STK3: variants seen among roughly 807,000 people sequenced by gnomAD.
STK3 encodes serine/threonine kinase 3, also known as serine/threonine-protein kinase 3.
STK3 carries 41 observed loss-of-function variants against 58.0 expected under a neutral mutation model. The ratio of observed to expected loss-of-function variants is 0.71; its 90% confidence interval spans 0.55 to 0.92. STK3 has a LOEUF of 0.92. Among genes scored for constraint, STK3 ranks in the 40% least tolerant of loss-of-function variants. The pLI is 0.00. For missense variants in STK3, 479 were observed against 602.7 expected (o/e 0.79, Z 2.15); for synonymous variants, 170 against 191.0 (o/e 0.89, Z 0.91).
chr8:98,777,461 G>T (rs1587593031), intron 1 of STK3, among the ~76,000 whole-genome samples: 1 of 152,248 alleles, frequency 6.6e-6, no homozygotes, highest in East Asian at 1.9e-4. Context: ...AGTGAGCCGA[G>T]ATCACGCCAC....
chr8:98,671,404 TAAA>T (rs1822822076), intron 6 of STK3, among the ~76,000 whole-genome samples: 1 of 152,248 alleles, frequency 6.6e-6, no homozygotes. Context: ...ATAAATTACA[TAAA>T]AGCTCATACA....
chr8:98,803,255 T>C (rs1833682298), intron 1 of STK3, among the ~76,000 whole-genome samples: 2 of 152,048 alleles, frequency 1.3e-5, no homozygotes, highest in Admixed American at 6.5e-5. Flanking sequence ...AAGAAAGGCC[T>C]CTTCTATACT....
chr8:98,860,597 C>T (rs774668934), intron 3 of STK3, among the ~76,000 whole-genome samples: 10 of 152,130 alleles, frequency 6.6e-5, no homozygotes, highest in Non-Finnish European at 1.0e-4. Context: ...TACATGATAA[C>T]GCGCAGATTG....
rs538072225 is a variant in STK3, at chr8:98,563,424, C to T, written c.949-15263G>A. On this transcript the variant is annotated intron_variant, in intron 8 of 10. Transcript: ENST00000419617. ...ACATACATATATATACACACACACA[C>T]GTGCCTACATATATAGTTATAAATG... 4.6e-5 allele frequency among the ~76,000 whole-genome samples: 7 copies of T among 152,224 alleles called. No individual in the cohort carries two copies. In the South Asian group the frequency reaches 1.0e-3, roughly 23 times the overall value.
intron 2 of STK3, among the ~76,000 whole-genome samples, chr8:98,770,582 A>G (rs1200450625): frequency 6.6e-6 from 1 of 152,202 alleles, no homozygotes; most frequent in Non-Finnish European, 1.5e-5. Flanking sequence ...GCCTCAGTAC[A>G]CACCAAAGGA....
intron 1 of STK3, among the ~76,000 whole-genome samples, chr8:98,791,108 A>ATAT: frequency 6.6e-6 from 1 of 152,356 alleles, no homozygotes; most frequent in African/African-American, 2.4e-5. Context: ...AACTGATAAA[A>ATAT]GAATTCAGCA....
At chr8:98,761,377 G>A (rs575677901) in intron 3 of STK3, among the ~76,000 whole-genome samples, 9 of 151,682 alleles carry the variant, frequency 5.9e-5, no homozygotes, top group Admixed American at 3.9e-4. Context: ...TGCCCACCTC[G>A]GCCTCCCAAA....
At chr8:98,344,847 C>T in the STK3 span, among the ~76,000 whole-genome samples, 2 of 143,528 alleles carry the variant, frequency 1.4e-5, no homozygotes, top group African/African-American at 5.1e-5. Flanking sequence ...GAGCCGAGAT[C>T]CCGCCACTGC....
intron 8 of STK3, among the ~76,000 whole-genome samples, chr8:98,560,437 T>G (rs1415452044): frequency 1.3e-5 from 2 of 151,832 alleles, no homozygotes. Context: ...GACTGAAATT[T>G]GAAATTAAAA....
chr8:98,353,679 G>A, the STK3 span, among the ~76,000 whole-genome samples: 4 of 152,136 alleles, frequency 2.6e-5, no homozygotes, highest in Non-Finnish European at 5.9e-5. Flanking sequence ...AGCAGATGAA[G>A]GCAATAATCT....
chr8:98,593,580 G>C (rs946379010), intron 7 of STK3, among the ~76,000 whole-genome samples: 3 of 152,174 alleles, frequency 2.0e-5, no homozygotes, highest in African/African-American at 7.2e-5. Context: ...AGTGGTATTA[G>C]ATTCTAACAG....
rs139630942 is a variant in STK3, at chr8:98,551,163, A to G, written c.949-3002T>C. Among the ~76,000 whole-genome samples the G allele has an allele frequency of 9.2e-3, 1,398 of 152,274 alleles. 17 individuals are homozygous for G. Among genetic ancestry groups the G allele is most frequent in the African/African-American group, 0.032 (1,321 of 41,564 alleles). ...TCCCCTCTATCCATTTAACTAAATC[A>G]TACCTAGTTTCAGATCAAGTATCTA... On this transcript the variant is annotated intron_variant, in intron 8 of 10. Transcript: ENST00000419617.
At chr8:98,656,039 T>G (rs1012610624) in intron 6 of STK3, among the ~76,000 whole-genome samples, 2 of 151,332 alleles carry the variant, frequency 1.3e-5, no homozygotes. Context: ...TGCACACGTA[T>G]GTTTATTGTG....
chr8:98,682,726 TCTTTCTTTTTA>T (rs1386618236), intron 6 of STK3, among the ~76,000 whole-genome samples: 4 of 152,258 alleles, frequency 2.6e-5, no homozygotes, highest in Non-Finnish European at 5.9e-5. Flanking sequence ...GTATGACTTG[TCTTTCTTTTTA>T]AAAATATCAA....
In STK3 at chr8:98,516,373, C is replaced by T. The variant is rs1470418839; in HGVS notation, c.1317+10369G>A. ...ACAAAAAAGATGAATTTCCACATAT[C>T]GAAAGAGCTGCTACTAAATGATGAC... is the stretch of plus-strand genomic sequence containing the variant. On this transcript the variant is annotated intron_variant, in intron 10 of 10. Coordinates refer to ENST00000419617, the MANE Select transcript of STK3 (RefSeq NM_006281.4). Among the ~76,000 whole-genome samples the T allele has an allele frequency of 5.3e-5, 8 of 152,048 alleles. 1 individual carries two copies. In the South Asian group the frequency reaches 1.0e-3, roughly 20 times the overall value.
intron 3 of STK3, among the ~76,000 whole-genome samples, chr8:98,833,429 A>G (rs1040566361): frequency 3.9e-5 from 6 of 152,230 alleles, no homozygotes; most frequent in African/African-American, 1.4e-4. Flanking sequence ...CTCTTATCAG[A>G]TATTTACCAG....
At chr8:98,858,290 GTATATATATATATA>G (rs71572027) in intron 3 of STK3, among the ~76,000 whole-genome samples, 8 of 34,366 alleles carry the variant, frequency 2.3e-4, no homozygotes, top group Admixed American at 1.1e-3. Context: ...ACATACATAC[GTATATATATATATA>G]TATATATATA....
chr8:98,389,406 G>T (rs1817825285), upstream of STK3, among the ~76,000 whole-genome samples: 3 of 152,120 alleles, frequency 2.0e-5, no homozygotes, highest in African/African-American at 7.2e-5. Flanking sequence ...CAGAAGTCTA[G>T]CACAATGCTT....
intron 6 of STK3, among the ~76,000 whole-genome samples, chr8:98,654,394 A>C (rs951655280): frequency 6.6e-6 from 1 of 152,104 alleles, no homozygotes; most frequent in African/African-American, 2.4e-5. Flanking sequence ...ATGGGCAAAA[A>C]CTGGAAGCAT....
Sources: gnomAD v4.1 joint callset for allele counts (sites outside exome capture counted in the v4.1 genomes callset) on GRCh38, gnomAD v4.1.1 for gene constraint, MANE v1.5 for transcripts, NCBI Gene and HGNC (gene_info 2026-07-23, HGNC 2026-07-21) for gene names.